The following TAOK3 variants were observed in gnomAD, a reference collection of about 807,000 sequenced individuals.
TAOK3 encodes serine/threonine-protein kinase TAO3.
Under a neutral mutation model 120.4 loss-of-function variants are expected in TAOK3, and 40 were observed. The ratio of observed to expected loss-of-function variants is 0.33; its 90% CI spans 0.26 to 0.43. TAOK3 has a LOEUF of 0.43. TAOK3 is among the 20% of genes least tolerant of loss of function. The probability of loss-of-function intolerance (pLI) is 1.00; values close to 1 mark genes in which losing one functional copy is unlikely to be tolerated. For missense variants in TAOK3, 821 were observed against 1,112.1 expected (o/e 0.74, Z 3.72); for synonymous variants, 355 against 387.5 (o/e 0.92, Z 0.99).
rs181576867 is a variant in TAOK3 at position 118,193,042 on chromosome 12, C to T, written c.1195-3101G>A. On this transcript the variant is annotated intron_variant, in intron 13 of 20. Transcript: ENST00000392533. ...CTACGTTAACCTGGTAAACTTACCA[C>T]GTTGTTGTTTTTTTTTTTTTTTTTT... 2.5e-4 allele frequency among the ~76,000 whole-genome samples: 30 copies of T among 121,254 alleles called. No individual in the cohort carries two copies. In the East Asian group the frequency reaches 5.8e-3, roughly 23 times the overall value. 79.5% of individuals were successfully genotyped at this position (121,254 alleles called of 152,430 possible).
intron 14 of TAOK3, among the ~76,000 whole-genome samples, chr12:118,182,888 A>G: frequency 6.6e-6 from 1 of 152,090 alleles, no homozygotes; most frequent in East Asian, 1.9e-4. Context: ...CTCATTTTCA[A>G]GTGAACATCC....
At chr12:118,180,055 C>T (rs1211141529) in intron 15 of TAOK3, among the ~76,000 whole-genome samples, 15 of 145,938 alleles carry the variant, frequency 1.0e-4, no homozygotes, top group African/African-American at 3.6e-4. Context: ...TCAAGCGATT[C>T]TCCTGCCTCA....
intron 19 of TAOK3, among the ~76,000 whole-genome samples, chr12:118,154,131 A>C (rs2034642406): frequency 6.6e-6 from 1 of 152,182 alleles, no homozygotes; most frequent in South Asian, 2.1e-4. Context: ...TTGATATGGG[A>C]GGTTCCTTAT....
intron 1 of TAOK3, among the ~76,000 whole-genome samples, chr12:118,338,219 A>G (rs928784562): frequency 6.6e-6 from 1 of 152,172 alleles, no homozygotes; most frequent in Non-Finnish European, 1.5e-5. Context: ...TGGGCAATAT[A>G]CAGAGAGATA....
chr12:118,161,177 A>T lies in TAOK3; in HGVS notation c.2139+611T>A, dbSNP rs2035195862. On this transcript the variant is annotated intron_variant, in intron 18 of 20. Transcript: ENST00000392533. This position sits in a 1 kb window ranked among gnomAD's most constrained non-coding sequence, Gnocchi z 4.5. ...TCCAGGTTGGCCTCATATCTGTGGC[A>T]ACACTGACAACGTCCTCCCGGATAT... Among the ~76,000 whole-genome samples, 1 of 152,222 alleles carries T rather than the reference A, an allele frequency of 6.6e-6. No individual in the cohort carries two copies. Among genetic ancestry groups the T allele is most frequent in the Non-Finnish European group, 1.5e-5 (1 of 68,032 alleles).
In TAOK3 at chr12:118,180,458, C is replaced by A. The variant is rs149124426; in HGVS notation, c.1566+913G>T. Among the ~76,000 whole-genome samples, 197 of 152,132 alleles carry A rather than the reference C, an allele frequency of 1.3e-3. 4 individuals carry two copies. In the East Asian group the frequency reaches 0.035, roughly 27 times the overall value. On this transcript the variant is annotated intron_variant, in intron 15 of 20. Transcript: ENST00000392533. ...GTTTTGCCACATTGTCCAGGCTGGT[C>A]TTGAACTCGTGGGCTCAAGAGATCC...
At chr12:118,336,927 C>T (rs1343883214) in intron 1 of TAOK3, among the ~76,000 whole-genome samples, 2 of 152,032 alleles carry the variant, frequency 1.3e-5, no homozygotes, top group Non-Finnish European at 2.9e-5. Flanking sequence ...TACAAATTAG[C>T]TGCCCACCTG....
At chr12:118,231,345 A>T (rs61945190) in intron 9 of TAOK3, among the ~76,000 whole-genome samples, 18,364 of 151,682 alleles carry the variant, frequency 0.12, 1,194 homozygotes, top group Middle Eastern at 0.15. Flanking sequence ...GAAAAAAATA[A>T]TATTCAAATT....
At chr12:118,258,438 G>A (rs945149178) in intron 2 of TAOK3, among the ~76,000 whole-genome samples, 1 of 152,178 alleles carries the variant, frequency 6.6e-6, no homozygotes, top group African/African-American at 2.4e-5. Context: ...AACTGGCCGG[G>A]CGCAGTGGCT....
At chr12:118,332,222 CAGAT>C (rs1373910717) in intron 1 of TAOK3, among the ~76,000 whole-genome samples, 2 of 152,140 alleles carry the variant, frequency 1.3e-5, no homozygotes, top group African/African-American at 4.8e-5. Context: ...TTAAGAAAGA[CAGAT>C]AGTCTTTATG....
In TAOK3 at chr12:118,199,134, T is replaced by C. The variant is rs1369786512; in HGVS notation, c.1111A>G (p.Met371Val). The change falls in exon 13 of 21, where the codon ATG becomes GTG. Residue 371 changes from methionine (M) to valine (V), a missense_variant. Met to Val is a conservative substitution (Grantham distance 21, BLOSUM62 1). Transcript: ENST00000392533. ...ACAAGTTCGGAACTGCTCTCGTCCA[T>C]GACTTCCTGCATGCTGTTCACACTG... ...SSSVNSMQEV[M>V]DESSSELVMM... is the part of the protein sequence containing the mutation. 3.1e-6 allele frequency: 5 copies of C among 1,614,206 alleles called. No individual in the cohort carries two copies. In the South Asian group the frequency reaches 5.5e-5, roughly 18 times the overall value.
intron 9 of TAOK3, among the ~76,000 whole-genome samples, chr12:118,224,879 T>C (rs563606963): frequency 1.1e-4 from 17 of 152,184 alleles, no homozygotes; most frequent in African/African-American, 3.1e-4. Flanking sequence ...GATAACAAGC[T>C]ATTATGGAAG....
chr12:118,174,149 A>G (rs999318262), intron 16 of TAOK3, among the ~76,000 whole-genome samples: 5 of 152,150 alleles, frequency 3.3e-5, no homozygotes, highest in Non-Finnish European at 7.3e-5. Flanking sequence ...TCAAGAATAA[A>G]TTATTTCTGG....
At position 118,371,950 on chromosome 12, in the gene TAOK3, G is replaced by A. The variant is rs1280303941; in HGVS notation, c.-194+698C>T. On this transcript the variant is annotated intron_variant, in intron 1 of 20. Coordinates refer to ENST00000392533, the MANE Select transcript of TAOK3 (RefSeq NM_016281.4). This position sits in a 1 kb window ranked among gnomAD's most constrained non-coding sequence, Gnocchi z 5.5. ...TCACCCTGCTCCCACCCGCTGTCCC[G>A]GCCTCTCTCTAGGTGTCCTGCTCTC... is the stretch of plus-strand genomic sequence containing the variant. Among the ~76,000 whole-genome samples, 1 of 140,900 alleles carries A rather than the reference G, an allele frequency of 7.1e-6. No individual in the cohort carries two copies. The highest frequency in any genetic ancestry group is 1.5e-5 in the Non-Finnish European group (1 of 64,706). 92.4% of individuals were successfully genotyped at this position (140,900 alleles called of 152,430 possible).
At chr12:118,158,483 T>C (rs2034992025) in intron 19 of TAOK3, among the ~76,000 whole-genome samples, 1 of 152,240 alleles carries the variant, frequency 6.6e-6, no homozygotes, top group African/African-American at 2.4e-5. Context: ...AAACTCACTC[T>C]TTTATTGTTC....
At position 118,189,795 on chromosome 12, in the gene TAOK3, G is replaced by A. The variant is rs1412085627; in HGVS notation, c.1329+12C>T. ...GAAGGAAGGGAAGGTGGGTAGAGGGGTGTTTGCTTACCAAAGATGCTGATT... is the reference window on the plus strand; with the variant it reads ...GAAGGAAGGGAAGGTGGGTAGAGGGATGTTTGCTTACCAAAGATGCTGATT... On this transcript the variant is annotated intron_variant, in intron 14 of 20. Coordinates refer to ENST00000392533, the MANE Select transcript of TAOK3 (RefSeq NM_016281.4). 1.2e-6 allele frequency: 2 copies of A among 1,614,088 alleles called. No homozygotes were observed. The highest frequency in any genetic ancestry group is 1.7e-6 in the Non-Finnish European group (2 of 1,179,972).
At chr12:118,311,815 G>A (rs1428714968) in intron 1 of TAOK3, among the ~76,000 whole-genome samples, 2 of 152,188 alleles carry the variant, frequency 1.3e-5, no homozygotes, top group Non-Finnish European at 2.9e-5. Context: ...TGAAGTTACT[G>A]TTATATAAAA....
intron 15 of TAOK3, among the ~76,000 whole-genome samples, chr12:118,180,228 G>T (rs1193546604): frequency 6.7e-6 from 1 of 149,906 alleles, no homozygotes. Flanking sequence ...GATTGCAGGC[G>T]TGAGCCACTG....
chr12:118,173,035 C>T lies in TAOK3; in HGVS notation c.1696-375G>A, dbSNP rs148699110. Among the ~76,000 whole-genome samples the T allele has an allele frequency of 2.0e-4, 30 of 152,184 alleles. No individual in the cohort carries two copies. The East Asian group carries it at 2.7e-3, about 14-fold the overall frequency. On this transcript the variant is annotated intron_variant, in intron 16 of 20. Transcript: ENST00000392533. Reference sequence around the variant, plus strand: ...ATTATAGAATCAAAAATTAAAGAACCGCAGAAATGAACTAAAAATTACTGT... The same window carrying T: ...ATTATAGAATCAAAAATTAAAGAACTGCAGAAATGAACTAAAAATTACTGT...
Sources: gnomAD v4.1 joint callset for allele counts (sites outside exome capture counted in the v4.1 genomes callset) on GRCh38, gnomAD v4.1.1 for gene constraint, Gnocchi (gnomAD v3.1) non-coding constraint, MANE v1.5 for transcripts, NCBI Gene and HGNC (gene_info 2026-07-23, HGNC 2026-07-21) for gene names.